CPXM2: variants seen among roughly 807,000 people sequenced by gnomAD.
CPXM2 encodes the protein inactive carboxypeptidase-like protein X2.
CPXM2 carries 66 observed loss-of-function variants against 86.1 expected under a neutral mutation model. The ratio of observed to expected loss-of-function variants is 0.77; its 90% CI spans 0.63 to 0.94. The LOEUF (loss-of-function observed/expected upper bound fraction) is 0.94, where lower values mean the gene tolerates loss of function less well. CPXM2 is among the 40% of genes least tolerant of loss of function. The probability of loss-of-function intolerance (pLI) is 0.00; values close to 1 mark genes in which losing one functional copy is unlikely to be tolerated. For missense variants in CPXM2, 948 were observed against 1,026.3 expected (o/e 0.92, Z 1.04); for synonymous variants, 388 against 400.2 (o/e 0.97, Z 0.36).
chr10:123,752,561 G>A (rs867182289), intron 13 of CPXM2: 50 of 985,186 alleles, frequency 5.1e-5, no homozygotes, highest in Non-Finnish European at 5.3e-5. Flanking sequence ...CCCCAGCCTC[G>A]CCTCATCCTA....
intron 1 of CPXM2, among the ~76,000 whole-genome samples, chr10:123,882,823 T>C (rs1238160538): frequency 2.3e-5 from 2 of 86,878 alleles, no homozygotes; most frequent in East Asian, 3.7e-4. Flanking sequence ...AACCCCCAAC[T>C]CCACAGCCTG....
chr10:123,826,536 G>A (rs1848050472), intron 4 of CPXM2, among the ~76,000 whole-genome samples: 1 of 152,044 alleles, frequency 6.6e-6, no homozygotes, highest in South Asian at 2.1e-4. Context: ...AGGGTATGAA[G>A]GATTACACAA....
rs974516075 is a variant in CPXM2 at position 123,867,479 on chromosome 10, T to C, written c.404-4756A>G. On this transcript the variant is annotated intron_variant, in intron 2 of 13. Transcript: ENST00000241305. The stretch of plus-strand genomic sequence containing the variant: ...TCAGAATATTTCAACCTGATTCATT[T>C]TTCTTCTTTTCTTTCTACCTTCAGA... Among the ~76,000 whole-genome samples, 66 of 152,212 alleles carry C rather than the reference T, an allele frequency of 4.3e-4. No individual in the cohort carries two copies. The Middle Eastern group carries it at 0.014, about 32-fold the overall frequency.
At chr10:123,922,850 C>T (rs553270772) in intron 2 of CPXM2, among the ~76,000 whole-genome samples, 22 of 152,310 alleles carry the variant, frequency 1.4e-4, no homozygotes, top group African/African-American at 4.6e-4. Context: ...GGTTGAAAAA[C>T]TATTGGGAAA....
At chr10:123,864,420 A>G (rs1848933509) in intron 2 of CPXM2, among the ~76,000 whole-genome samples, 2 of 152,204 alleles carry the variant, frequency 1.3e-5, no homozygotes, top group African/African-American at 4.8e-5. Flanking sequence ...ATGGGGAACC[A>G]GGCACAGGTC....
At chr10:123,917,053 G>A (rs1945539610) in intron 2 of CPXM2, among the ~76,000 whole-genome samples, 1 of 152,166 alleles carries the variant, frequency 6.6e-6, no homozygotes, top group Admixed American at 6.5e-5. Flanking sequence ...AGGGAGGGGA[G>A]GGAAGGCCGG....
At chr10:123,941,734 C>T (rs973357192), upstream of CPXM2, among the ~76,000 whole-genome samples, 4 of 152,236 alleles carry the variant, frequency 2.6e-5, no homozygotes, top group Admixed American at 6.5e-5. Flanking sequence ...GACTTTCCCC[C>T]TCCTCTGCCT....
chr10:123,930,372 G>T (rs1224431169), intron 2 of CPXM2, among the ~76,000 whole-genome samples: 1 of 152,240 alleles, frequency 6.6e-6, no homozygotes, highest in East Asian at 1.9e-4. Context: ...ACTGGGGTGT[G>T]CTGCTTCCAG....
At chr10:123,867,503 G>A (rs955560757) in intron 2 of CPXM2, among the ~76,000 whole-genome samples, 1 of 149,676 alleles carries the variant, frequency 6.7e-6, no homozygotes, top group Non-Finnish European at 1.5e-5. Context: ...TCTACCTTCA[G>A]AGCGTCATCC....
upstream of CPXM2, among the ~76,000 whole-genome samples, chr10:123,893,534 A>T (rs1443317758): frequency 2.0e-5 from 3 of 152,184 alleles, no homozygotes; most frequent in Non-Finnish European, 4.4e-5. Context: ...AGGGACCAGG[A>T]GGCCTTGGTC....
chr10:123,814,922 G>T (rs1847782427), intron 4 of CPXM2, among the ~76,000 whole-genome samples: 1 of 152,188 alleles, frequency 6.6e-6, no homozygotes. Flanking sequence ...CTACTCGGCA[G>T]GTTGAGCTGG....
At chr10:123,832,576 T>C (rs1179643634) in intron 4 of CPXM2, among the ~76,000 whole-genome samples, 1 of 152,018 alleles carries the variant, frequency 6.6e-6, no homozygotes, top group African/African-American at 2.4e-5. Context: ...CCTGTAACCC[T>C]AGCACTTTGG....
At chr10:123,773,696 G>A (rs1846712892) in intron 7 of CPXM2, among the ~76,000 whole-genome samples, 1 of 152,196 alleles carries the variant, frequency 6.6e-6, no homozygotes, top group East Asian at 1.9e-4. Flanking sequence ...CACTAAGTCA[G>A]CAGAGCATTG....
chr10:123,862,120 G>T (rs1406517886), intron 3 of CPXM2, among the ~76,000 whole-genome samples: 1 of 152,212 alleles, frequency 6.6e-6, no homozygotes, highest in Non-Finnish European at 1.5e-5. Flanking sequence ...AGGGAGACCA[G>T]CCAGGATGTG....
chr10:123,926,876 C>T lies in CPXM2; in HGVS notation n.174+12601G>A, dbSNP rs568453351. ...AGATTTTATGTTATGTGAAGAAAAC[C>T]CTTTCACTTCATTAGTCACTTCTGT... On this transcript the variant is annotated intron_variant and non_coding_transcript_variant, in intron 2 of 19. Transcript: ENST00000368854. 9.9e-5 allele frequency among the ~76,000 whole-genome samples: 15 copies of T among 152,280 alleles called. No homozygotes were observed. The East Asian group carries it at 2.9e-3, about 29-fold the overall frequency.
chr10:123,840,248 A>T (rs1848359705), intron 4 of CPXM2, among the ~76,000 whole-genome samples: 1 of 152,224 alleles, frequency 6.6e-6, no homozygotes, highest in African/African-American at 2.4e-5. Context: ...ATCAACAGGG[A>T]AAACAATTGT....
chr10:123,787,602 CA>C (rs1847093394), intron 6 of CPXM2, among the ~76,000 whole-genome samples: 1 of 152,140 alleles, frequency 6.6e-6, no homozygotes, highest in Non-Finnish European at 1.5e-5. Flanking sequence ...CTTAAAAGAA[CA>C]GTAAGAATCC....
chr10:123,754,167 T>C lies in CPXM2; in HGVS notation c.2017+496A>G, dbSNP rs1296046389. Among the ~76,000 whole-genome samples, 3 of 152,162 alleles carry C rather than the reference T, an allele frequency of 2.0e-5. No individual in the cohort carries two copies. The highest frequency in any genetic ancestry group is 3.8e-4 in the East Asian group (2 of 5,198). ...GCTTTAATGGAAAAAGTGCATCCTC[T>C]CTGGCCAGTCCCAACCCACCCCTCC... On this transcript the variant is annotated intron_variant, in intron 13 of 13. Coordinates refer to ENST00000241305, the MANE Select transcript of CPXM2 (RefSeq NM_198148.3). The surrounding 1 kb of genome is among the most constrained non-coding windows in gnomAD (Gnocchi z 4.0).
chr10:123,808,744 C>G (rs1031229457), intron 4 of CPXM2, among the ~76,000 whole-genome samples: 1 of 152,126 alleles, frequency 6.6e-6, no homozygotes, highest in Non-Finnish European at 1.5e-5. Context: ...AGAAAATATT[C>G]TCCATGAGAA....
Sources: allele counts gnomAD v4.1 joint callset (sites outside exome capture counted in the v4.1 genomes callset), GRCh38; gene constraint gnomAD v4.1.1; non-coding constraint Gnocchi (gnomAD v3.1); transcripts MANE v1.5; gene names NCBI Gene and HGNC (gene_info 2026-07-23, HGNC 2026-07-21).